Variants in ITFG1 observed in about 807,000 individuals in gnomAD.
ITFG1 encodes the protein integrin alpha FG-GAP repeat containing 1.
ITFG1 carries 34 observed loss-of-function variants against 81.8 expected under a neutral mutation model. The observed-to-expected ratio is 0.42, with a 90% CI of 0.32 to 0.55. The LOEUF (loss-of-function observed/expected upper bound fraction) is 0.55. Ranked by LOEUF, ITFG1 falls within the 20% of genes least tolerant of loss-of-function variation. The pLI is 0.17. For synonymous variants in ITFG1, 285 were observed against 270.6 expected, an observed-to-expected ratio of 1.05 and a Z score of -0.52; for missense variants, 672 against 755.4, an observed-to-expected ratio of 0.89 and a Z score of 1.29.
intron 10 of ITFG1, among the ~76,000 whole-genome samples, chr16:47,290,511 TTAGAATTATTA>T (rs1966893105): frequency 6.6e-6 from 1 of 152,196 alleles, no homozygotes; most frequent in African/African-American, 2.4e-5. Context: ...GTATTTACAT[TTAGAATTATTA>T]TATCCTGTTG....
chr16:47,161,898 T>A, intron 15 of ITFG1, 66 bp from the exon 16 acceptor site: 1 of 963,064 alleles, frequency 1.0e-6, no homozygotes, highest in Non-Finnish European at 1.7e-6. Context: ...TTATTCTAAA[T>A]AAATAATGAA....
At chr16:47,361,668 A>G (rs999650773) in intron 8 of ITFG1, among the ~76,000 whole-genome samples, 1 of 152,170 alleles carries the variant, frequency 6.6e-6, no homozygotes, top group Non-Finnish European at 1.5e-5. Context: ...AGCAGCAAGT[A>G]TTTATTGGGT....
chr16:47,247,652 T>A (rs1423693748), intron 12 of ITFG1, among the ~76,000 whole-genome samples: 1 of 152,188 alleles, frequency 6.6e-6, no homozygotes, highest in Non-Finnish European at 1.5e-5. Flanking sequence ...TACAAAAACA[T>A]TTAAAGTAAG....
At chr16:47,156,688 A>G (rs1224695140) in intron 17 of ITFG1, among the ~76,000 whole-genome samples, 1 of 152,180 alleles carries the variant, frequency 6.6e-6, no homozygotes, top group African/African-American at 2.4e-5. Context: ...AAAGACAGGG[A>G]AAGCATTTGA....
At chr16:47,364,811 A>G (rs992651916) in intron 8 of ITFG1, among the ~76,000 whole-genome samples, 1 of 152,234 alleles carries the variant, frequency 6.6e-6, no homozygotes, top group Non-Finnish European at 1.5e-5. Flanking sequence ...AGCTGCATAC[A>G]GAGCAGCAGA....
At chr16:47,390,775 CA>C (rs770915821) in intron 6 of ITFG1, among the ~76,000 whole-genome samples, 20 of 152,108 alleles carry the variant, frequency 1.3e-4, no homozygotes, top group Non-Finnish European at 1.9e-4. Context: ...TGCTTATTAA[CA>C]GAAATATTTT....
chr16:47,364,680 TAAA>T (rs1156738828), intron 8 of ITFG1, among the ~76,000 whole-genome samples: 4 of 152,180 alleles, frequency 2.6e-5, no homozygotes, highest in African/African-American at 9.7e-5. Flanking sequence ...TCAATATAAC[TAAA>T]ATACAGGACA....
At chr16:47,440,751 A>G (rs996990771) in intron 5 of ITFG1, among the ~76,000 whole-genome samples, 51 of 152,188 alleles carry the variant, frequency 3.4e-4, no homozygotes, top group Non-Finnish European at 6.5e-4. Context: ...TCTAAAATTG[A>G]CACCCTAATA....
intron 10 of ITFG1, among the ~76,000 whole-genome samples, chr16:47,302,874 A>C (rs1460640534): frequency 1.3e-5 from 2 of 152,212 alleles, no homozygotes; most frequent in Non-Finnish European, 2.9e-5. Context: ...ATGTTTGCAC[A>C]TTGGTATGAA....
chr16:47,393,286 G>C (rs538072221), intron 6 of ITFG1, among the ~76,000 whole-genome samples: 3 of 152,156 alleles, frequency 2.0e-5, no homozygotes, highest in African/African-American at 7.2e-5. Context: ...ACTCGAGGGT[G>C]CCTGAGCCTG....
intron 6 of ITFG1, among the ~76,000 whole-genome samples, chr16:47,409,202 C>T (rs1280115047): frequency 4.0e-5 from 6 of 150,294 alleles, no homozygotes; most frequent in South Asian, 2.1e-4. Context: ...GTTTTTGAGT[C>T]TCTCGAGAGA....
At chr16:47,220,309 C>G (rs975996293) in intron 13 of ITFG1, among the ~76,000 whole-genome samples, 5 of 152,238 alleles carry the variant, frequency 3.3e-5, no homozygotes, top group African/African-American at 1.2e-4. Flanking sequence ...AATACTAAGA[C>G]ATCTCGCGTT....
At chr16:47,431,928 C>G (rs1969100733) in intron 5 of ITFG1, among the ~76,000 whole-genome samples, 1 of 152,100 alleles carries the variant, frequency 6.6e-6, no homozygotes, top group Non-Finnish European at 1.5e-5. Context: ...CCCCATTTAC[C>G]AAGGCTCTAC....
At chr16:47,219,332 T>C (rs1329156605) in intron 13 of ITFG1, among the ~76,000 whole-genome samples, 2 of 152,090 alleles carry the variant, frequency 1.3e-5, no homozygotes, top group Admixed American at 6.5e-5. Flanking sequence ...ATAAAATCCA[T>C]CCACAATAAT....
intron 13 of ITFG1, among the ~76,000 whole-genome samples, chr16:47,223,717 A>G (rs1212327624): frequency 1.3e-5 from 2 of 152,214 alleles, no homozygotes; most frequent in Non-Finnish European, 2.9e-5. Context: ...ATTACTGGGT[A>G]TATACCCAAA....
chr16:47,335,378 C>CA (rs1009921888), intron 8 of ITFG1, among the ~76,000 whole-genome samples: 1 of 151,718 alleles, frequency 6.6e-6, no homozygotes, highest in Admixed American at 6.6e-5. Context: ...CAAAACAAGA[C>CA]AAAAAAACAA....
intron 14 of ITFG1, among the ~76,000 whole-genome samples, chr16:47,168,545 GTTTTTTTT>G (rs758632507): frequency 3.4e-5 from 4 of 117,680 alleles, no homozygotes; most frequent in Non-Finnish European, 7.1e-5. Context: ...CTAATTAAAA[GTTTTTTTT>G]TTTTTTTTTT....
At chr16:47,213,413 TA>T (rs1391044151) in intron 14 of ITFG1, among the ~76,000 whole-genome samples, 2 of 152,190 alleles carry the variant, frequency 1.3e-5, no homozygotes, top group Non-Finnish European at 2.9e-5. Flanking sequence ...TATAAATGTC[TA>T]CTAGATCCTG....
chr16:47,446,344 G>A (rs1247491087), intron 5 of ITFG1, among the ~76,000 whole-genome samples: 3 of 152,150 alleles, frequency 2.0e-5, no homozygotes. Context: ...TGCAGTTCTG[G>A]ATAAATCTTA....
Sources: gnomAD v4.1 joint callset for allele counts (sites outside exome capture counted in the v4.1 genomes callset) on GRCh38, gnomAD v4.1.1 for gene constraint, MANE v1.5 for transcripts, NCBI Gene and HGNC (gene_info 2026-07-23, HGNC 2026-07-21) for gene names.